RAB3GAP1: variants seen among roughly 807,000 people sequenced by gnomAD.
RAB3GAP1 encodes the protein rab3 GTPase-activating protein catalytic subunit.
A neutral mutation model predicts 130.7 loss-of-function variants in RAB3GAP1; 86 were observed. The observed-to-expected ratio is 0.66, with a 90% CI of 0.55 to 0.79. The LOEUF (loss-of-function observed/expected upper bound fraction) is 0.79, where lower values mean the gene tolerates loss of function less well. Ranked by LOEUF, RAB3GAP1 falls within the 30% of genes least tolerant of loss-of-function variation. The probability of loss-of-function intolerance (pLI) is 0.00; values close to 1 mark genes in which losing one functional copy is unlikely to be tolerated. For missense variants in RAB3GAP1, 1,029 were observed against 1,169.4 expected (o/e 0.88, Z 1.75); for synonymous variants, 367 against 401.7 (o/e 0.91, Z 1.03).
At chr2:135,070,341 G>A (rs999851879) in intron 3 of RAB3GAP1, among the ~76,000 whole-genome samples, 1 of 152,090 alleles carries the variant, frequency 6.6e-6, no homozygotes, top group African/African-American at 2.4e-5. Context: ...CTAATGACTT[G>A]GAGCTGTTCA....
intron 3 of RAB3GAP1, among the ~76,000 whole-genome samples, chr2:135,083,695 C>A (rs1279404949): frequency 6.7e-6 from 1 of 150,046 alleles, no homozygotes; most frequent in African/African-American, 2.5e-5. Flanking sequence ...AAACTCTTGG[C>A]CTCAAGCAAT....
chr2:135,125,092 C>G (rs1351558737), intron 9 of RAB3GAP1, among the ~76,000 whole-genome samples: 1 of 152,166 alleles, frequency 6.6e-6, no homozygotes, highest in Non-Finnish European at 1.5e-5. Context: ...AAAAGAAATT[C>G]TTCACCTCTT....
intron 23 of RAB3GAP1, 24 bp downstream of exon 23, chr2:135,164,720 CCA>C: frequency 1.3e-6 from 2 of 1,543,502 alleles, no homozygotes; most frequent in Non-Finnish European, 8.9e-7. Flanking sequence ...ATTATTGACT[CCA>C]TCATAATCTC....
rs1159480451 is a variant in RAB3GAP1 at position 135,116,182 on chromosome 2, A to G, written c.648+801A>G. ...TGACATCATGTGTCGTGTGATGGCT[A>G]TTAGTCACATTTGGCCACTTAAGTG... On this transcript the variant is annotated intron_variant, in intron 7 of 23. Transcript: ENST00000264158. Among the ~76,000 whole-genome samples the G allele has an allele frequency of 3.3e-5, 5 of 152,202 alleles. No individual in the cohort carries two copies. In the East Asian group the frequency reaches 5.8e-4, roughly 18 times the overall value.
intron 3 of RAB3GAP1, among the ~76,000 whole-genome samples, chr2:135,077,284 C>G (rs1340999038): frequency 6.6e-6 from 1 of 152,148 alleles, no homozygotes; most frequent in Non-Finnish European, 1.5e-5. Context: ...ACAACAACAA[C>G]AACAACAACA....
intron 13 of RAB3GAP1, among the ~76,000 whole-genome samples, chr2:135,131,780 A>G (rs1691553132): frequency 6.6e-6 from 1 of 152,240 alleles, no homozygotes; most frequent in Admixed American, 6.5e-5. Context: ...TGTGAGGATT[A>G]AAGGATCTTC....
chr2:135,139,048 C>A (rs918428118), intron 17 of RAB3GAP1, among the ~76,000 whole-genome samples: 3 of 152,042 alleles, frequency 2.0e-5, no homozygotes, highest in Admixed American at 6.6e-5. Context: ...TTAATATGTT[C>A]GTTAGCCGTC....
intron 5 of RAB3GAP1, among the ~76,000 whole-genome samples, chr2:135,105,645 G>C (rs555024066): frequency 1.3e-5 from 2 of 152,038 alleles, no homozygotes; most frequent in African/African-American, 4.8e-5. Context: ...GCCTCTGCCC[G>C]GCCGCCACCC....
chr2:135,173,862 G>A (rs1692932698), downstream of RAB3GAP1, among the ~76,000 whole-genome samples: 1 of 152,176 alleles, frequency 6.6e-6, no homozygotes, highest in South Asian at 2.1e-4. Context: ...ATGGATGGAT[G>A]GTTGGATGGA....
chr2:135,086,502 A>C lies in RAB3GAP1; in HGVS notation c.151-4496A>C, dbSNP rs572055389. Reference sequence around the variant, plus strand: ...AGTCATCTGGTAATTAATCAGAATTACTGTTTATTGGTCATTCATAGCGCT... The same window carrying C: ...AGTCATCTGGTAATTAATCAGAATTCCTGTTTATTGGTCATTCATAGCGCT... On this transcript the variant is annotated intron_variant, in intron 3 of 23. Coordinates refer to ENST00000264158, the MANE Select transcript of RAB3GAP1 (RefSeq NM_012233.3). 4.6e-4 allele frequency among the ~76,000 whole-genome samples: 70 copies of C among 152,112 alleles called. 1 individual carries two copies. Among genetic ancestry groups the C allele is most frequent in the Middle Eastern group, 3.4e-3 (1 of 294 alleles).
At chr2:135,125,098 C>A (rs1404617746) in intron 9 of RAB3GAP1, among the ~76,000 whole-genome samples, 1 of 152,188 alleles carries the variant, frequency 6.6e-6, no homozygotes, top group Non-Finnish European at 1.5e-5. Flanking sequence ...AATTCTTCAC[C>A]TCTTAGCCAT....
intron 5 of RAB3GAP1, among the ~76,000 whole-genome samples, chr2:135,095,131 C>G (rs1343741562): frequency 6.6e-6 from 1 of 152,144 alleles, no homozygotes; most frequent in Non-Finnish European, 1.5e-5. Context: ...TCACTGCAAC[C>G]TCTGCCTCCC....
chr2:135,160,701 GAC>G (rs1257349630), intron 19 of RAB3GAP1, among the ~76,000 whole-genome samples: 1 of 104,894 alleles, frequency 9.5e-6, no homozygotes, highest in Non-Finnish European at 2.0e-5. Flanking sequence ...AAAAAAAAAA[GAC>G]ACATATGGGA....
intron 7 of RAB3GAP1, among the ~76,000 whole-genome samples, chr2:135,117,534 TCTTCTTCTG>T (rs1691026736): frequency 1.3e-4 from 9 of 70,120 alleles, no homozygotes; most frequent in South Asian, 4.8e-4. Context: ...TTCTTCTGCT[TCTTCTTCTG>T]CTTCTTCTTC....
At chr2:135,097,198 A>G (rs1341260890) in intron 5 of RAB3GAP1, among the ~76,000 whole-genome samples, 1 of 148,982 alleles carries the variant, frequency 6.7e-6, no homozygotes, top group Admixed American at 6.7e-5. Context: ...CTTAGTAAGC[A>G]TAGGCACGTC....
intron 5 of RAB3GAP1, among the ~76,000 whole-genome samples, chr2:135,111,587 A>G (rs554862093): frequency 1.3e-5 from 2 of 152,324 alleles, no homozygotes; most frequent in South Asian, 4.1e-4. Flanking sequence ...AAGGACATAT[A>G]CATCATTGCT....
At chr2:135,063,429 T>C (rs1357957158) in intron 3 of RAB3GAP1, among the ~76,000 whole-genome samples, 1 of 152,178 alleles carries the variant, frequency 6.6e-6, no homozygotes, top group African/African-American at 2.4e-5. Flanking sequence ...CATCCAGAAC[T>C]TTTTTCATCA....
chr2:135,096,715 C>T, intron 5 of RAB3GAP1, among the ~76,000 whole-genome samples: 1 of 152,088 alleles, frequency 6.6e-6, no homozygotes, highest in East Asian at 1.9e-4. Flanking sequence ...TACTTAGTAT[C>T]TCTGCAACTT....
intron 7 of RAB3GAP1, among the ~76,000 whole-genome samples, chr2:135,120,014 A>T (rs1412890769): frequency 6.6e-6 from 1 of 152,180 alleles, no homozygotes; most frequent in East Asian, 1.9e-4. Context: ...TGTGTGAGTG[A>T]TCATTCATTT....
Sources: allele counts gnomAD v4.1 joint callset (sites outside exome capture counted in the v4.1 genomes callset), GRCh38; gene constraint gnomAD v4.1.1; transcripts MANE v1.5; gene names NCBI Gene and HGNC (gene_info 2026-07-23, HGNC 2026-07-21).